CHM: variants seen among roughly 807,000 people sequenced by gnomAD.
CHM encodes the protein rab proteins geranylgeranyltransferase component A 1.
A neutral mutation model predicts 49.0 loss-of-function variants in CHM; 10 were observed. The ratio of observed to expected loss-of-function variants is 0.20; its 90% CI spans 0.13 to 0.35. The LOEUF is 0.35. Ranked by LOEUF, CHM falls within the 10% of genes least tolerant of loss-of-function variation. The pLI is 1.00. For synonymous variants in CHM, 184 were observed against 167.5 expected (o/e 1.10, Z -0.76); for missense variants, 455 against 478.4 (o/e 0.95, Z 0.46).
In CHM at chrX:85,864,359, C is replaced by G; in HGVS notation, c.*271G>C. ...ATGCATAGGATCACTTTCATATCCA[C>G]AGTTACATTCCTGAGAATCAATTGA... On this transcript the variant is annotated 3_prime_UTR_variant, in exon 15 of 15. Transcript: ENST00000357749. 2.9e-6 allele frequency: 1 copy of G among 342,261 alleles called. No homozygotes were observed. The highest frequency in any genetic ancestry group is 5.5e-5 in the East Asian group (1 of 18,120). 28.2% of individuals were successfully genotyped at this position (342,261 alleles called of 1,213,427 possible).
chrX:85,930,384 T>A (rs1056046688), intron 8 of CHM, among the ~76,000 whole-genome samples: 2 of 111,456 alleles, frequency 1.8e-5, no homozygotes, highest in African/African-American at 6.5e-5. Context: ...GAGGACATAG[T>A]CAATGGGTAG....
chrX:85,991,662 G>A (rs1380708164), intron 2 of CHM, among the ~76,000 whole-genome samples: 1 of 111,360 alleles, frequency 9.0e-6, no homozygotes, highest in East Asian at 2.8e-4. Flanking sequence ...TGGCTTCTCA[G>A]CACGATTAAA....
chrX:86,024,846 G>A (rs1433300325), intron 2 of CHM, among the ~76,000 whole-genome samples: 3 of 111,699 alleles, frequency 2.7e-5, no homozygotes, highest in Non-Finnish European at 5.6e-5. Flanking sequence ...CTGGGTAGAC[G>A]GTGTTATCAT....
intron 1 of CHM, among the ~76,000 whole-genome samples, chrX:86,042,037 T>C (rs1266905507): frequency 9.1e-6 from 1 of 109,848 alleles, no homozygotes; most frequent in Non-Finnish European, 1.9e-5. Context: ...AACAGATATT[T>C]GGTAAATATC....
chrX:85,895,188 T>C (rs1925748857), intron 11 of CHM, among the ~76,000 whole-genome samples: 1 of 103,296 alleles, frequency 9.7e-6, no homozygotes, highest in Non-Finnish European at 2.0e-5. Context: ...CAGGCTGGTG[T>C]ACAGTGGTAC....
intron 2 of CHM, among the ~76,000 whole-genome samples, chrX:86,005,683 G>A (rs1007529055): frequency 1.8e-5 from 2 of 111,572 alleles, no homozygotes; most frequent in South Asian, 3.7e-4. Flanking sequence ...TAAATTCCTC[G>A]ACACATACAC....
chrX:86,001,773 G>A, intron 2 of CHM, among the ~76,000 whole-genome samples: 1 of 110,122 alleles, frequency 9.1e-6, no homozygotes, highest in African/African-American at 3.3e-5. Flanking sequence ...AAATTTGGAG[G>A]GGACAAATAT....
At chrX:85,885,460 T>C (rs1398790156) in intron 12 of CHM, among the ~76,000 whole-genome samples, 1 of 110,788 alleles carries the variant, frequency 9.0e-6, no homozygotes, top group African/African-American at 3.3e-5. Context: ...GCCATAATTT[T>C]GTAATAAGTA....
At chrX:85,957,533 G>A (rs1414042933) in intron 7 of CHM, among the ~76,000 whole-genome samples, 1 of 110,916 alleles carries the variant, frequency 9.0e-6, no homozygotes, top group African/African-American at 3.3e-5. Flanking sequence ...CCAGTTGACA[G>A]TAGTATTTAA....
chrX:86,031,896 T>A (rs906368194), intron 1 of CHM, among the ~76,000 whole-genome samples: 1 of 112,752 alleles, frequency 8.9e-6, no homozygotes, highest in African/African-American at 3.2e-5. Flanking sequence ...TTTGGTCTTA[T>A]TGCTAATTTG....
At chrX:85,921,039 T>C (rs1052225882) in intron 8 of CHM, among the ~76,000 whole-genome samples, 4 of 112,299 alleles carry the variant, frequency 3.6e-5, no homozygotes, top group Non-Finnish European at 7.5e-5. Context: ...ACTCAAAGTA[T>C]AACCATGGGA....
At chrX:85,983,636 T>C (rs1448628363) in intron 2 of CHM, among the ~76,000 whole-genome samples, 1 of 111,792 alleles carries the variant, frequency 8.9e-6, no homozygotes, top group Non-Finnish European at 1.9e-5. Flanking sequence ...TTATTTGCAA[T>C]CAACATAAAG....
chrX:85,929,221 C>T (rs1928272232), intron 8 of CHM, among the ~76,000 whole-genome samples: 1 of 111,739 alleles, frequency 8.9e-6, no homozygotes, highest in Non-Finnish European at 1.9e-5. Context: ...AACCTTTCCG[C>T]ATATCAAAAG....
In CHM at chrX:85,964,351, T is replaced by A. The variant is rs769212242; in HGVS notation, c.315-299A>T. On this transcript the variant is annotated intron_variant, in intron 4 of 14. Transcript: ENST00000357749. Reference sequence around the variant, plus strand: ...GTTCAAACCCTGACCATATGACTAGTAAGCTCTGCGAACTTAGATACTTAT... The same window carrying A: ...GTTCAAACCCTGACCATATGACTAGAAAGCTCTGCGAACTTAGATACTTAT... 5.6e-4 allele frequency among the ~76,000 whole-genome samples: 62 copies of A among 110,699 alleles called. 1 individual carries two copies. The highest frequency in any genetic ancestry group is 1.0e-3 in the Non-Finnish European group (54 of 52,928).
chrX:85,914,352 C>G (rs1473667552), intron 8 of CHM, among the ~76,000 whole-genome samples: 1 of 110,824 alleles, frequency 9.0e-6, no homozygotes, highest in African/African-American at 3.3e-5. Context: ...CTAAACAAAC[C>G]CCCATGTGCT....
At chrX:86,017,056 A>G (rs924578055) in intron 2 of CHM, among the ~76,000 whole-genome samples, 1 of 112,414 alleles carries the variant, frequency 8.9e-6, no homozygotes, top group African/African-American at 3.2e-5. Flanking sequence ...TCGGACTTGC[A>G]TGGGCCCTAT....
At chrX:86,040,083 T>C (rs1934402793) in intron 1 of CHM, among the ~76,000 whole-genome samples, 1 of 112,359 alleles carries the variant, frequency 8.9e-6, no homozygotes, top group African/African-American at 3.2e-5. Flanking sequence ...ACTTGCCCTT[T>C]GCCCTCACTG....
intron 8 of CHM, among the ~76,000 whole-genome samples, chrX:85,935,210 G>A (rs759872293): frequency 9.0e-6 from 1 of 111,002 alleles, no homozygotes; most frequent in Non-Finnish European, 1.9e-5. Context: ...GAGGAGGCCA[G>A]GTTCTTTAAC....
intron 12 of CHM, among the ~76,000 whole-genome samples, chrX:85,887,463 G>A (rs7056487): frequency 0.043 from 4,810 of 111,100 alleles, 233 homozygotes; most frequent in African/African-American, 0.15. Context: ...TAAATTGCCC[G>A]GTTTCTGGTA....
Sources: gnomAD v4.1 joint callset for allele counts (sites outside exome capture counted in the v4.1 genomes callset) on GRCh38, gnomAD v4.1.1 for gene constraint, MANE v1.5 for transcripts, NCBI Gene and HGNC (gene_info 2026-07-23, HGNC 2026-07-21) for gene names.